MAGEC3: variants seen among roughly 807,000 people sequenced by gnomAD.
The protein encoded by MAGEC3 is melanoma-associated antigen C3.
A neutral mutation model predicts 35.3 loss-of-function variants in MAGEC3; 34 were observed. That is an observed-to-expected ratio of 0.96 (90% confidence interval 0.73 to 1.28). The LOEUF is 1.28. Ranked by LOEUF, MAGEC3 falls within the 50% of genes most tolerant of loss-of-function variation. The pLI, the probability that MAGEC3 is intolerant of heterozygous loss-of-function variation, is 0.00. For missense variants in MAGEC3, 561 were observed against 483.6 expected, an observed-to-expected ratio of 1.16 and a Z score of -1.50; for synonymous variants, 202 against 185.6, an observed-to-expected ratio of 1.09 and a Z score of -0.72.
At chrX:141,888,230 G>A (rs943172768) in intron 4 of MAGEC3, among the ~76,000 whole-genome samples, 3 of 111,961 alleles carry the variant, frequency 2.7e-5, no homozygotes, top group African/African-American at 9.8e-5. Flanking sequence ...GCTAGGGCAC[G>A]ATATGCAGGC....
chrX:141,848,021 A>G (rs917948263), intron 1 of MAGEC3, among the ~76,000 whole-genome samples: 1 of 110,487 alleles, frequency 9.1e-6, no homozygotes, highest in South Asian at 3.8e-4. Context: ...ATCCAGAGAA[A>G]CAGGACCATC....
intron 2 of MAGEC3, among the ~76,000 whole-genome samples, chrX:141,871,493 G>A (rs75638302): frequency 0.063 from 7,038 of 111,413 alleles, 259 homozygotes; most frequent in East Asian, 0.3. Context: ...AATTCAGATG[G>A]CTGAGGGAAA....
chrX:141,848,488 C>G (rs2017731334), intron 1 of MAGEC3, among the ~76,000 whole-genome samples: 2 of 110,621 alleles, frequency 1.8e-5, no homozygotes, highest in Non-Finnish European at 3.8e-5. Context: ...CAAATAACAT[C>G]CAGGCTGAGA....
intron 2 of MAGEC3, among the ~76,000 whole-genome samples, chrX:141,866,555 C>T (rs943384838): frequency 1.8e-5 from 2 of 112,244 alleles, no homozygotes; most frequent in African/African-American, 3.2e-5. Flanking sequence ...AAGCCTACAG[C>T]GCTTGTACTC....
At chrX:141,862,171 G>A (rs920842427) in intron 1 of MAGEC3, among the ~76,000 whole-genome samples, 1 of 111,245 alleles carries the variant, frequency 9.0e-6, no homozygotes, top group Admixed American at 9.6e-5. Context: ...TGGCCAACAA[G>A]TATGGGAAAA....
intron 1 of MAGEC3, among the ~76,000 whole-genome samples, chrX:141,860,645 A>G (rs778032748): frequency 2.7e-5 from 3 of 112,469 alleles, no homozygotes; most frequent in Admixed American, 9.4e-5. Flanking sequence ...CTGACACACT[A>G]CAACATGAAT....
chrX:141,858,639 T>C (rs926816779), intron 1 of MAGEC3, among the ~76,000 whole-genome samples: 2 of 111,020 alleles, frequency 1.8e-5, no homozygotes, highest in Non-Finnish European at 3.8e-5. Flanking sequence ...ACTTAGCATC[T>C]GCCTGGTAAC....
Position 141,897,157 on chromosome X carries a change from C to T in MAGEC3, c.1399C>T (p.Leu467Phe), listed in dbSNP as rs1209589955. Residue 467 changes from leucine to phenylalanine, a missense_variant, in exon 7 of 8, where the codon CTT (leucine) becomes TTT (phenylalanine). Coordinates refer to ENST00000298296, the MANE Select transcript of MAGEC3 (RefSeq NM_138702.1). The stretch of plus-strand genomic sequence containing the variant: ...AAAGGTGGCTGAGTTGGTGCAGTTT[C>T]TTCTCCTCAAATATCAAACAAAAGA... ...DEKVAELVQFLLLKYQTKEPV... is the reference protein window; with the variant it reads ...DEKVAELVQFFLLKYQTKEPV... 8 of 1,210,208 alleles carry T rather than the reference C, an allele frequency of 6.6e-6. No individual in the cohort carries two copies. Among genetic ancestry groups the T allele is most frequent in the Non-Finnish European group, 8.9e-6 (8 of 895,319 alleles).
intron 1 of MAGEC3, 110 bp downstream of exon 1, chrX:141,838,548 G>A: frequency 8.4e-6 from 9 of 1,071,130 alleles, no homozygotes; most frequent in Admixed American, 5.4e-5. Context: ...CAGTCTGTTG[G>A]GGGTGAGGCT....
chrX:141,896,427 A>G, intron 6 of MAGEC3: 2 of 1,135,830 alleles, frequency 1.8e-6, no homozygotes, highest in South Asian at 2.2e-5. Context: ...ACATCCTCCT[A>G]CAGGTTCTGA....
chrX:141,874,710 G>C (rs777004623), intron 2 of MAGEC3, among the ~76,000 whole-genome samples: 1 of 110,229 alleles, frequency 9.1e-6, no homozygotes, highest in Non-Finnish European at 1.9e-5. Flanking sequence ...TCAACAGGAG[G>C]CTGAAGAACA....
chrX:141,895,631 C>T (rs747666360), intron 6 of MAGEC3, 72 bp downstream of exon 6: 15 of 1,017,131 alleles, frequency 1.5e-5, no homozygotes, highest in Middle Eastern at 3.9e-4. Flanking sequence ...CAGAGGACAG[C>T]TTCCCAGAGA....
Position 141,879,431 on chromosome X carries a change from G to A in MAGEC3, c.515G>A (p.Ser172Asn). Residue 172 changes from serine (S) to asparagine (N), a missense_variant and splice_region_variant, in exon 3 of 8, where the codon AGC becomes AAC. Ser to Asn is a conservative substitution (Grantham distance 46, BLOSUM62 1). Transcript: ENST00000298296. ...AGGTTGTGGGGGGAGAAAGCGGGGA[G>A]GTGGGCAGGGAAATATGGACGAGGG... The part of the protein sequence containing the change: ...GKRLWGEKAG[S>N]LPESEPLFTY... The A allele has an allele frequency of 8.5e-7, 1 of 1,174,260 alleles. No individual in the cohort carries two copies. The highest frequency in any genetic ancestry group is 1.1e-6 in the Non-Finnish European group (1 of 875,272).
chrX:141,870,441 G>GA (rs201937642), intron 2 of MAGEC3, among the ~76,000 whole-genome samples: 7,071 of 109,865 alleles, frequency 0.064, 287 homozygotes, highest in East Asian at 0.32. Flanking sequence ...TTAATTTACA[G>GA]AAAAAAAACC....
chrX:141,893,134 A>G (rs1477022279), intron 4 of MAGEC3, among the ~76,000 whole-genome samples: 1 of 111,608 alleles, frequency 9.0e-6, no homozygotes, highest in Non-Finnish European at 1.9e-5. Flanking sequence ...AAATTAAAGC[A>G]CCTAGGAGAT....
At chrX:141,882,358 T>C (rs1394200436) in intron 4 of MAGEC3, among the ~76,000 whole-genome samples, 1 of 112,237 alleles carries the variant, frequency 8.9e-6, no homozygotes, top group African/African-American at 3.2e-5. Flanking sequence ...TATTATTTTA[T>C]AAATATTAGT....
intron 1 of MAGEC3, among the ~76,000 whole-genome samples, chrX:141,852,461 G>A (rs2017756690): frequency 1.8e-5 from 2 of 110,223 alleles, no homozygotes; most frequent in Admixed American, 2.0e-4. Flanking sequence ...ATTGCACTAG[G>A]TTATACTTTC....
chrX:141,864,370 A>G (rs1015904454), intron 1 of MAGEC3, among the ~76,000 whole-genome samples: 45 of 102,996 alleles, frequency 4.4e-4, no homozygotes, highest in African/African-American at 1.5e-3. Flanking sequence ...ATGAATGTAC[A>G]GGTTTTTGTG....
intron 1 of MAGEC3, among the ~76,000 whole-genome samples, chrX:141,846,375 C>T (rs1173433400): frequency 4.5e-5 from 5 of 110,096 alleles, no homozygotes; most frequent in African/African-American, 1.6e-4. Flanking sequence ...GATTTAACAA[C>T]AGGCGAGTTG....
Sources: allele counts gnomAD v4.1 joint callset (sites outside exome capture counted in the v4.1 genomes callset), GRCh38; gene constraint gnomAD v4.1.1; transcripts MANE v1.5; gene names NCBI Gene and HGNC (gene_info 2026-07-23, HGNC 2026-07-21).